Variants in HMGCLL1 observed in about 807,000 individuals in gnomAD.
HMGCLL1 encodes 3-hydroxymethyl-3-methylglutaryl-CoA lyase, cytoplasmic.
A neutral mutation model predicts 39.1 loss-of-function variants in HMGCLL1; 36 were observed. The ratio of observed to expected loss-of-function variants is 0.92; its 90% CI spans 0.71 to 1.22. The LOEUF is 1.22. Among genes scored for constraint, HMGCLL1 ranks in the 50% most tolerant of loss-of-function variants. The pLI, the probability that HMGCLL1 is intolerant of heterozygous loss-of-function variation, is 0.00. For missense variants in HMGCLL1, 451 were observed against 416.5 expected, an observed-to-expected ratio of 1.08 and a Z score of -0.72; for synonymous variants, 149 against 144.0, an observed-to-expected ratio of 1.03 and a Z score of -0.25.
chr6:55,627,049 GAAAAAAAAA>G, the HMGCLL1 span, among the ~76,000 whole-genome samples: 247 of 85,818 alleles, frequency 2.9e-3, no homozygotes, highest in Non-Finnish European at 4.0e-3. Flanking sequence ...CACTCCACCA[GAAAAAAAAA>G]AAAAAAAAAA....
chr6:55,575,826 C>T (rs1273603570), intron 1 of HMGCLL1, among the ~76,000 whole-genome samples: 1 of 152,130 alleles, frequency 6.6e-6, no homozygotes, highest in Non-Finnish European at 1.5e-5. Context: ...TATACCATGT[C>T]CCCATTCTCA....
chr6:55,633,342 A>G, the HMGCLL1 span, among the ~76,000 whole-genome samples: 1 of 151,878 alleles, frequency 6.6e-6, no homozygotes, highest in South Asian at 2.1e-4. Context: ...TGGTTGGGCT[A>G]GTTATTAGTT....
chr6:55,610,994 T>C, the HMGCLL1 span, among the ~76,000 whole-genome samples: 1 of 152,118 alleles, frequency 6.6e-6, no homozygotes, highest in Non-Finnish European at 1.5e-5. Context: ...CTCAAAAATC[T>C]ATCACATAAT....
At chr6:55,562,788 C>T (rs887526044) in intron 1 of HMGCLL1, among the ~76,000 whole-genome samples, 8 of 152,010 alleles carry the variant, frequency 5.3e-5, no homozygotes, top group Non-Finnish European at 5.9e-5. Flanking sequence ...CTTATCAATG[C>T]TTTCTCATAC....
intron 3 of HMGCLL1, among the ~76,000 whole-genome samples, chr6:55,531,921 G>C (rs996922354): frequency 6.6e-6 from 1 of 152,046 alleles, no homozygotes; most frequent in African/African-American, 2.4e-5. Flanking sequence ...CTACATTATA[G>C]TGAGTTGTAT....
At chr6:55,496,589 T>C (rs764444069) in intron 6 of HMGCLL1, among the ~76,000 whole-genome samples, 2 of 152,148 alleles carry the variant, frequency 1.3e-5, no homozygotes, top group Non-Finnish European at 2.9e-5. Context: ...AAGTGATCTC[T>C]TGCACTTCTT....
the HMGCLL1 span, among the ~76,000 whole-genome samples, chr6:55,628,273 A>G: frequency 7.8e-5 from 10 of 127,458 alleles, no homozygotes; most frequent in African/African-American, 2.7e-4. Flanking sequence ...CTCTTTCAGC[A>G]CTTTATTGTT....
chr6:55,666,306 C>T, the HMGCLL1 span, among the ~76,000 whole-genome samples: 1 of 151,616 alleles, frequency 6.6e-6, no homozygotes, highest in Non-Finnish European at 1.5e-5. Flanking sequence ...AAGAATTAAC[C>T]CACAGGGTAC....
chr6:55,665,843 A>G, the HMGCLL1 span, among the ~76,000 whole-genome samples: 1 of 151,792 alleles, frequency 6.6e-6, no homozygotes, highest in South Asian at 2.1e-4. Flanking sequence ...GAAACATTTC[A>G]TTGAAACGTT....
Position 55,495,620 on chromosome 6 carries a change from G to A in HMGCLL1, c.607-13C>T. The A allele has an allele frequency of 1.3e-6, 2 of 1,556,852 alleles. No homozygotes were observed. Among genetic ancestry groups the A allele is most frequent in the Non-Finnish European group, 1.7e-6 (2 of 1,151,108 alleles). ...ATCTCTTAGACACCTGTTGATAAAGGTGAAGTGCTAGTAAAATAATGGAAA... is the reference window on the plus strand; with the variant it reads ...ATCTCTTAGACACCTGTTGATAAAGATGAAGTGCTAGTAAAATAATGGAAA... On this transcript the variant is annotated splice_polypyrimidine_tract_variant and intron_variant, in intron 6 of 8. Coordinates refer to ENST00000274901, the MANE Select transcript of HMGCLL1 (RefSeq NM_001042406.2).
At chr6:55,651,514 G>A in the HMGCLL1 span, among the ~76,000 whole-genome samples, 1 of 152,096 alleles carries the variant, frequency 6.6e-6, no homozygotes, top group Non-Finnish European at 1.5e-5. Flanking sequence ...GAAGGAAGGA[G>A]CAACTTTCCT....
At chr6:55,563,457 G>T (rs907849815) in intron 1 of HMGCLL1, among the ~76,000 whole-genome samples, 4 of 151,960 alleles carry the variant, frequency 2.6e-5, no homozygotes, top group Admixed American at 2.6e-4. Context: ...ATGTTTTATT[G>T]ATTATGCATA....
the HMGCLL1 span, among the ~76,000 whole-genome samples, chr6:55,642,433 T>A: frequency 4.6e-5 from 7 of 152,018 alleles, no homozygotes; most frequent in Non-Finnish European, 8.8e-5. Context: ...TATGAGTCAA[T>A]CTGAATGAAT....
chr6:55,565,484 A>G (rs1771169876), intron 1 of HMGCLL1, among the ~76,000 whole-genome samples: 1 of 152,098 alleles, frequency 6.6e-6, no homozygotes, highest in Non-Finnish European at 1.5e-5. Flanking sequence ...ATGTGATGTA[A>G]GTTGCAAATT....
intron 3 of HMGCLL1, among the ~76,000 whole-genome samples, chr6:55,532,099 A>G (rs954649006): frequency 6.6e-6 from 1 of 152,104 alleles, no homozygotes; most frequent in Non-Finnish European, 1.5e-5. Flanking sequence ...CTGAAGTAGA[A>G]TATTTTATTT....
At chr6:55,489,379 G>A (rs1235079431) in intron 7 of HMGCLL1, among the ~76,000 whole-genome samples, 1 of 151,728 alleles carries the variant, frequency 6.6e-6, no homozygotes, top group Admixed American at 6.6e-5. Flanking sequence ...AAAAGGTAAT[G>A]AGTTTTGAAA....
intron 5 of HMGCLL1, among the ~76,000 whole-genome samples, chr6:55,511,554 A>G (rs1454262433): frequency 6.6e-6 from 1 of 152,100 alleles, no homozygotes; most frequent in Non-Finnish European, 1.5e-5. Flanking sequence ...TGGCCTTTAA[A>G]GCTGACAACT....
At chr6:55,605,727 C>T in the HMGCLL1 span, among the ~76,000 whole-genome samples, 1 of 152,132 alleles carries the variant, frequency 6.6e-6, no homozygotes, top group Non-Finnish European at 1.5e-5. Flanking sequence ...TTCTATAGTG[C>T]TGTATCCTCC....
intron 7 of HMGCLL1, among the ~76,000 whole-genome samples, chr6:55,447,348 A>C (rs977220494): frequency 6.6e-6 from 1 of 152,102 alleles, no homozygotes; most frequent in Non-Finnish European, 1.5e-5. Context: ...AGGAGTATAT[A>C]TAAAAATTGG....
Sources: allele counts gnomAD v4.1 joint callset (sites outside exome capture counted in the v4.1 genomes callset), GRCh38; gene constraint gnomAD v4.1.1; transcripts MANE v1.5; gene names NCBI Gene and HGNC (gene_info 2026-07-23, HGNC 2026-07-21).